The following TENM4 variants were observed in gnomAD, a reference collection of about 807,000 sequenced individuals.
The protein encoded by TENM4 is teneurin transmembrane protein 4.
In TENM4, 82 loss-of-function variants were observed where a neutral mutation model predicts 243.3. That is an observed-to-expected ratio of 0.34 (90% confidence interval 0.28 to 0.40). The LOEUF is 0.40. Ranked by LOEUF, TENM4 falls within the 10% of genes least tolerant of loss-of-function variation. The pLI, the probability that TENM4 is intolerant of heterozygous loss-of-function variation, is 1.00. For missense variants in TENM4, 3,138 were observed against 3,673.3 expected (o/e 0.85, Z 3.77); for synonymous variants, 1,412 against 1,456.3 (o/e 0.97, Z 0.69).
At chr11:79,303,754 G>A (rs1446041119) in intron 1 of TENM4, among the ~76,000 whole-genome samples, 4 of 152,274 alleles carry the variant, frequency 2.6e-5, no homozygotes, top group South Asian at 2.1e-4. Context: ...CATTTAATGA[G>A]TTACTATAAA....
intron 1 of TENM4, among the ~76,000 whole-genome samples, chr11:79,435,740 A>G (rs1337152985): frequency 6.6e-6 from 1 of 152,156 alleles, no homozygotes; most frequent in Non-Finnish European, 1.5e-5. Flanking sequence ...ATTTTCCTTC[A>G]ACCTCTAGCA....
intron 2 of TENM4, among the ~76,000 whole-genome samples, chr11:79,281,474 C>T (rs1856156066): frequency 6.6e-6 from 1 of 152,060 alleles, no homozygotes; most frequent in Non-Finnish European, 1.5e-5. Context: ...TCACGACAAC[C>T]CTAGGAAGTA....
intron 6 of TENM4, among the ~76,000 whole-genome samples, chr11:79,042,987 C>T (rs1859574900): frequency 6.6e-6 from 1 of 152,188 alleles, no homozygotes; most frequent in Admixed American, 6.5e-5. Context: ...CCACAAAAGC[C>T]ACCTGCGCTG....
intron 9 of TENM4, among the ~76,000 whole-genome samples, chr11:78,879,607 C>T: frequency 7.0e-6 from 1 of 143,044 alleles, no homozygotes; most frequent in East Asian, 2.2e-4. Context: ...GGGAGTGCCT[C>T]TGCCCGGCCG....
At chr11:79,297,176 T>C (rs894772800) in intron 2 of TENM4, among the ~76,000 whole-genome samples, 1 of 152,168 alleles carries the variant, frequency 6.6e-6, no homozygotes, top group African/African-American at 2.4e-5. Context: ...AACTGCAGCA[T>C]GGACCAGTTT....
chr11:79,261,815 C>G (rs1051360593), intron 2 of TENM4, among the ~76,000 whole-genome samples: 1 of 152,132 alleles, frequency 6.6e-6, no homozygotes, highest in Non-Finnish European at 1.5e-5. Flanking sequence ...TTCCTGACCC[C>G]CAGAGACAAA....
At chr11:78,740,384 C>T (rs976667371) in intron 19 of TENM4, among the ~76,000 whole-genome samples, 4 of 144,516 alleles carry the variant, frequency 2.8e-5, no homozygotes, top group Non-Finnish European at 6.1e-5. Context: ...TCACCTCACT[C>T]CACACAATCT....
chr11:79,402,240 C>T (rs1858477533), intron 1 of TENM4: 1 of 170,866 alleles, frequency 5.9e-6, no homozygotes, highest in African/African-American at 2.4e-5. Context: ...GGAATGAAGT[C>T]ACCAGTGAAC....
chr11:79,071,058 C>G (rs940225297), intron 4 of TENM4, among the ~76,000 whole-genome samples: 5 of 152,122 alleles, frequency 3.3e-5, no homozygotes, highest in Admixed American at 3.3e-4. Flanking sequence ...CCTCTTTTCC[C>G]CATCTTGACC....
At chr11:78,932,753 G>A (rs547821578) in intron 6 of TENM4, among the ~76,000 whole-genome samples, 13 of 152,246 alleles carry the variant, frequency 8.5e-5, no homozygotes, top group African/African-American at 2.2e-4. Context: ...CAGATCATCA[G>A]GCATTAGATT....
intron 4 of TENM4, among the ~76,000 whole-genome samples, chr11:79,092,384 A>G (rs1860980009): frequency 6.6e-6 from 1 of 152,194 alleles, no homozygotes; most frequent in African/African-American, 2.4e-5. Context: ...CTTTCCCAGT[A>G]GATCTTCCAT....
intron 6 of TENM4, among the ~76,000 whole-genome samples, chr11:78,915,760 C>A (rs1856301200): frequency 6.6e-6 from 1 of 152,182 alleles, no homozygotes; most frequent in Admixed American, 6.5e-5. Context: ...CAAATTCTAA[C>A]CCCAATTCCA....
At chr11:78,834,754 C>T (rs931248202) in intron 12 of TENM4, among the ~76,000 whole-genome samples, 7 of 152,122 alleles carry the variant, frequency 4.6e-5, no homozygotes, top group Admixed American at 6.5e-5. Flanking sequence ...AACAAGCCTC[C>T]GATCCTCTGC....
At chr11:78,905,802 G>A (rs1340779634) in intron 6 of TENM4, among the ~76,000 whole-genome samples, 1 of 152,254 alleles carries the variant, frequency 6.6e-6, no homozygotes, top group Non-Finnish European at 1.5e-5. Context: ...TGTCCAGGCA[G>A]AGTGGTGTCC....
At chr11:79,409,777 G>C (rs1220210030) in intron 1 of TENM4, among the ~76,000 whole-genome samples, 2 of 152,196 alleles carry the variant, frequency 1.3e-5, no homozygotes, top group African/African-American at 4.8e-5. Context: ...TGGAGGTGGA[G>C]GCTCCACAAC....
At chr11:78,661,846 T>A (rs1858039191) in intron 32 of TENM4, among the ~76,000 whole-genome samples, 1 of 152,130 alleles carries the variant, frequency 6.6e-6, no homozygotes, top group South Asian at 2.1e-4. Context: ...GGACTTCCTT[T>A]TCTATTTTCA....
Position 79,064,949 on chromosome 11 carries a change from G to A in TENM4, c.282C>T (p.Thr94=). 6.7e-7 allele frequency: 1 copy of A among 1,495,278 alleles called. No homozygotes were observed. Among genetic ancestry groups the A allele is most frequent in the South Asian group, 1.3e-5 (1 of 75,758 alleles). The allele number at this position is 1,495,278 out of a possible 1,614,324, so 92.6% of individuals were successfully genotyped here. A position where few individuals can be genotyped will look rare whatever the true frequency, so the allele number is the denominator to read the frequency against. ...GGAGGCCAATGTCTGTCCGGTACAG[G>A]GTCCCGTGAGGGGGCGTTACTTCTT... The part of the protein sequence containing the change: ...GLEEVTPPHG[T]LYRTDIGLPH... Residue 94 remains threonine (T), a synonymous_variant, in exon 6 of 34, where the codon ACC becomes ACT. Transcript: ENST00000278550.
chr11:78,658,820 A>C lies in TENM4; in HGVS notation c.7552-4T>G. ...CACACTGTACCCCGAGGATAGACTGATGGGGGAGGAGAGTGAGAGAGAGAG... is the reference window on the plus strand; with the variant it reads ...CACACTGTACCCCGAGGATAGACTGCTGGGGGAGGAGAGTGAGAGAGAGAG... On this transcript the variant is annotated splice_region_variant and splice_polypyrimidine_tract_variant and intron_variant, in intron 33 of 33. Coordinates refer to ENST00000278550, the MANE Select transcript of TENM4 (RefSeq NM_001098816.3). 1 of 1,605,808 alleles carries C rather than the reference A, an allele frequency of 6.2e-7. No homozygotes were observed. The highest frequency in any genetic ancestry group is 8.5e-7 in the Non-Finnish European group (1 of 1,173,950).
chr11:79,024,430 G>T (rs1485975615), intron 6 of TENM4, among the ~76,000 whole-genome samples: 1 of 152,186 alleles, frequency 6.6e-6, no homozygotes, highest in East Asian at 1.9e-4. Context: ...TACATGGAAG[G>T]ACTTATGATA....
Sources: allele counts gnomAD v4.1 joint callset (sites outside exome capture counted in the v4.1 genomes callset), GRCh38; gene constraint gnomAD v4.1.1; transcripts MANE v1.5; gene names NCBI Gene and HGNC (gene_info 2026-07-23, HGNC 2026-07-21).